Variants in NAV2 observed in about 807,000 individuals in gnomAD.
NAV2 encodes the protein helicase, APC down-regulated 1.
Under a neutral mutation model 223.2 loss-of-function variants are expected in NAV2, and 54 were observed. The ratio of observed to expected loss-of-function variants is 0.24; its 90% CI spans 0.19 to 0.30. NAV2 has a LOEUF of 0.30. Ranked by LOEUF, NAV2 falls within the 10% of genes least tolerant of loss-of-function variation. NAV2 has a pLI of 1.00. For missense variants in NAV2, 2,806 were observed against 3,147.5 expected (o/e 0.89, Z 2.60); for synonymous variants, 1,279 against 1,239.3 (o/e 1.03, Z -0.67).
At chr11:19,767,990 C>T (rs2152566855) in intron 1 of NAV2, among the ~76,000 whole-genome samples, 1 of 152,354 alleles carries the variant, frequency 6.6e-6, no homozygotes, top group African/African-American at 2.4e-5. Flanking sequence ...TGAGCAGAGC[C>T]TGATGTTTAC....
chr11:19,446,090 G>A (rs895035072), intron 1 of NAV2, among the ~76,000 whole-genome samples: 5 of 152,100 alleles, frequency 3.3e-5, no homozygotes, highest in Non-Finnish European at 7.4e-5. Context: ...ATCTTAGTTT[G>A]CTCAGTCTCA....
At chr11:20,016,214 T>C (rs1292741119) in intron 11 of NAV2, among the ~76,000 whole-genome samples, 1 of 152,334 alleles carries the variant, frequency 6.6e-6, no homozygotes, top group African/African-American at 2.4e-5. Context: ...ATTGGCACCC[T>C]TCCAGAAAAG....
At chr11:20,091,124 C>T (rs1310227942) in intron 27 of NAV2, 106 bp downstream of exon 27, 17 of 1,176,006 alleles carry the variant, frequency 1.4e-5, no homozygotes, top group Non-Finnish European at 2.0e-5. Context: ...TGGTGGCGGC[C>T]CTCGCTTTCC....
intron 1 of NAV2, among the ~76,000 whole-genome samples, chr11:19,575,154 G>C (rs747457533): frequency 1.3e-5 from 2 of 152,230 alleles, no homozygotes; most frequent in Non-Finnish European, 2.9e-5. Flanking sequence ...ACTGGCAGAG[G>C]TTAATCATGT....
chr11:19,585,333 A>G (rs560707476), intron 1 of NAV2, among the ~76,000 whole-genome samples: 1 of 152,260 alleles, frequency 6.6e-6, no homozygotes, highest in East Asian at 1.9e-4. Flanking sequence ...CTCTTTATCC[A>G]ATTTGCCAGT....
chr11:19,446,718 G>A (rs1413319374), intron 1 of NAV2, among the ~76,000 whole-genome samples: 1 of 152,196 alleles, frequency 6.6e-6, no homozygotes, highest in East Asian at 1.9e-4. Context: ...CCGCTGAACT[G>A]CTTGGAGCAC....
At chr11:20,087,411 C>T (rs1027496325) in intron 26 of NAV2, among the ~76,000 whole-genome samples, 2 of 152,138 alleles carry the variant, frequency 1.3e-5, no homozygotes, top group African/African-American at 2.4e-5. Context: ...TTGTTTCCAA[C>T]CTCGAAGGGT....
At chr11:19,874,172 T>G (rs2062703476) in intron 4 of NAV2, among the ~76,000 whole-genome samples, 1 of 152,250 alleles carries the variant, frequency 6.6e-6, no homozygotes. Context: ...TTACTCTTCA[T>G]GCCTGACATT....
intron 6 of NAV2, among the ~76,000 whole-genome samples, chr11:19,905,468 G>A (rs568603728): frequency 2.6e-5 from 4 of 152,272 alleles, no homozygotes; most frequent in South Asian, 4.1e-4. Flanking sequence ...ATTCATTAAG[G>A]AAAACCAGGG....
intron 1 of NAV2, among the ~76,000 whole-genome samples, chr11:19,773,763 G>A (rs1382045037): frequency 6.6e-6 from 1 of 152,076 alleles, no homozygotes; most frequent in African/African-American, 2.4e-5. Flanking sequence ...CATCATGCTG[G>A]TGATATCAGG....
intron 1 of NAV2, among the ~76,000 whole-genome samples, chr11:19,473,744 C>T (rs372186813): frequency 4.6e-5 from 7 of 152,166 alleles, no homozygotes; most frequent in Non-Finnish European, 8.8e-5. Flanking sequence ...AGGCCTATCC[C>T]CCAGCTGCTG....
In NAV2 at chr11:20,045,137, G is replaced by A. The variant is rs1591818414; in HGVS notation, c.3369G>A (p.Lys1123=). 3.7e-6 allele frequency: 6 copies of A among 1,614,054 alleles called. No individual in the cohort carries two copies. Among genetic ancestry groups the A allele is most frequent in the Non-Finnish European group, 5.1e-6 (6 of 1,180,016 alleles). Residue 1123 remains lysine (K), a synonymous_variant, in exon 14 of 38, where the codon AAG becomes AAA. Coordinates refer to ENST00000349880, the MANE Select transcript of NAV2 (RefSeq NM_145117.5). ...PTANANSFGF[K]KQSGSAAGLA... ...CCAATGCCAACAGCTTTGGGTTCAAGAAGCAGAGTGGTTCCGCCGCCGGCC... is the reference window on the plus strand; with the variant it reads ...CCAATGCCAACAGCTTTGGGTTCAAAAAGCAGAGTGGTTCCGCCGCCGGCC...
intron 6 of NAV2, among the ~76,000 whole-genome samples, chr11:19,926,805 C>T (rs566924688): frequency 2.0e-5 from 3 of 152,210 alleles, no homozygotes; most frequent in South Asian, 4.2e-4. Flanking sequence ...AGAAACCTCC[C>T]CAGGGCAGAT....
chr11:19,743,552 A>C (rs184621626), intron 1 of NAV2, among the ~76,000 whole-genome samples: 1 of 152,318 alleles, frequency 6.6e-6, no homozygotes, highest in East Asian at 1.9e-4. Context: ...TGTCAGTTCT[A>C]GGCATGAGGA....
At chr11:19,461,762 T>C (rs1451800861) in intron 1 of NAV2, among the ~76,000 whole-genome samples, 2 of 152,188 alleles carry the variant, frequency 1.3e-5, no homozygotes, top group Non-Finnish European at 2.9e-5. Flanking sequence ...GTAGCGAGTA[T>C]CAGAGAGTAT....
At chr11:19,624,737 C>G (rs569258344) in intron 1 of NAV2, among the ~76,000 whole-genome samples, 1 of 152,166 alleles carries the variant, frequency 6.6e-6, no homozygotes, top group Non-Finnish European at 1.5e-5. Flanking sequence ...CTTCGGCTCA[C>G]GCTTGGTGAG....
chr11:19,390,884 C>T (rs966305983), intron 1 of NAV2, among the ~76,000 whole-genome samples: 2 of 152,114 alleles, frequency 1.3e-5, no homozygotes, highest in South Asian at 2.1e-4. Context: ...TAACTACTTG[C>T]CAGGCAGTGT....
intron 1 of NAV2, among the ~76,000 whole-genome samples, chr11:19,825,681 T>C (rs1229878898): frequency 6.6e-6 from 1 of 152,240 alleles, no homozygotes; most frequent in African/African-American, 2.4e-5. Flanking sequence ...CTAATTGCAG[T>C]ATAAACTTAG....
intron 1 of NAV2, chr11:19,778,314 C>T (rs1285068447): frequency 2.2e-6 from 1 of 455,446 alleles, no homozygotes; most frequent in East Asian, 7.0e-5. Flanking sequence ...CGGTTAACCC[C>T]CTTGGATGTT....
Sources: allele counts gnomAD v4.1 joint callset (sites outside exome capture counted in the v4.1 genomes callset), GRCh38; gene constraint gnomAD v4.1.1; transcripts MANE v1.5; gene names NCBI Gene and HGNC (gene_info 2026-07-23, HGNC 2026-07-21).